The following TSHZ3 variants were observed in gnomAD, a reference collection of about 807,000 sequenced individuals.
The protein encoded by TSHZ3 is teashirt zinc finger homeobox 3.
In TSHZ3, 10 loss-of-function variants were observed where a neutral mutation model predicts 64.5. The observed-to-expected ratio is 0.16, with a 90% confidence interval of 0.10 to 0.26. The LOEUF (loss-of-function observed/expected upper bound fraction) is 0.26. Among genes scored for constraint, TSHZ3 ranks in the 10% least tolerant of loss-of-function variants. The pLI is 1.00. For synonymous variants in TSHZ3, 608 were observed against 593.1 expected (o/e 1.03, Z -0.36); for missense variants, 1,242 against 1,421.7 (o/e 0.87, Z 2.03).
At chr19:31,154,403 T>C (rs968964173) in intron 6 of TSHZ3, among the ~76,000 whole-genome samples, 16 of 152,164 alleles carry the variant, frequency 1.1e-4, no homozygotes, top group African/African-American at 3.9e-4. Context: ...AGATAGATAT[T>C]ATACCCATGT....
At chr19:31,349,612 C>T (rs929219349), upstream of TSHZ3, 179 of 167,928 alleles carry the variant, frequency 1.1e-3, 8 homozygotes, top group East Asian at 0.023. Context: ...CCTGCCCCCC[C>T]CCGCCCCGTC....
At chr19:31,336,407 A>G (rs1917243045) in intron 1 of TSHZ3, among the ~76,000 whole-genome samples, 1 of 152,160 alleles carries the variant, frequency 6.6e-6, no homozygotes, top group Non-Finnish European at 1.5e-5. Context: ...TTGTGGGACC[A>G]CACGGAGACA....
chr19:31,243,912 T>C (rs900754210), intron 1 of TSHZ3, among the ~76,000 whole-genome samples: 3 of 152,220 alleles, frequency 2.0e-5, no homozygotes, highest in Admixed American at 1.3e-4. Flanking sequence ...GTGGTTGCTC[T>C]ACCCTGAGGG....
At chr19:31,198,505 C>T (rs912936919) in intron 5 of TSHZ3, among the ~76,000 whole-genome samples, 2 of 151,984 alleles carry the variant, frequency 1.3e-5, no homozygotes, top group African/African-American at 4.8e-5. Flanking sequence ...TTGTCTTTTT[C>T]ACAGTGACAT....
At chr19:31,248,504 A>G (rs1351374675) in intron 1 of TSHZ3, among the ~76,000 whole-genome samples, 2 of 152,120 alleles carry the variant, frequency 1.3e-5, no homozygotes, top group Non-Finnish European at 2.9e-5. Flanking sequence ...GTGTATACAG[A>G]ATACTCAAAA....
chr19:31,255,933 T>C (rs1975903801), intron 1 of TSHZ3, among the ~76,000 whole-genome samples: 1 of 152,080 alleles, frequency 6.6e-6, no homozygotes, highest in Admixed American at 6.5e-5. Flanking sequence ...GTTCACCCTG[T>C]AACAGAAGTT....
intron 1 of TSHZ3, among the ~76,000 whole-genome samples, chr19:31,244,844 A>G (rs1402656509): frequency 6.6e-6 from 1 of 152,004 alleles, no homozygotes; most frequent in East Asian, 1.9e-4. Context: ...GGTTTTCACC[A>G]TTTTGCCCAG....
rs76488163 is a variant in TSHZ3 at position 31,193,226 on chromosome 19, G to A, written n.809+11730C>T. On this transcript the variant is annotated intron_variant and non_coding_transcript_variant, in intron 5 of 6. Coordinates refer to the TSHZ3 transcript ENST00000651361. ...CCCATACATATGACGCGACATATCTGGCCTCTGTGGCTCCAGTCTGAAATT... is the reference window on the plus strand; with the variant it reads ...CCCATACATATGACGCGACATATCTAGCCTCTGTGGCTCCAGTCTGAAATT... 1.3e-3 allele frequency among the ~76,000 whole-genome samples: 192 copies of A among 152,064 alleles called. 1 individual carries two copies. The highest frequency in any genetic ancestry group is 8.9e-3 in the East Asian group (46 of 5,162).
intron 1 of TSHZ3, among the ~76,000 whole-genome samples, chr19:31,264,185 A>G (rs1599611271): frequency 6.6e-6 from 1 of 152,258 alleles, no homozygotes; most frequent in South Asian, 2.1e-4. Context: ...TGCAAGCCCT[A>G]TGATTGTGGG....
chr19:31,210,448 A>G (rs182479796), intron 4 of TSHZ3, among the ~76,000 whole-genome samples: 1 of 152,240 alleles, frequency 6.6e-6, no homozygotes, highest in Admixed American at 6.5e-5. Flanking sequence ...CCTCTCCCCA[A>G]AGCAGGAGGT....
chr19:31,212,330 C>T (rs998300022), intron 4 of TSHZ3, among the ~76,000 whole-genome samples: 2 of 151,982 alleles, frequency 1.3e-5, no homozygotes, highest in African/African-American at 4.8e-5. Flanking sequence ...TGGTGGTGCA[C>T]ACCTGTAATT....
chr19:31,296,962 AT>A (rs1346107153), intron 1 of TSHZ3, among the ~76,000 whole-genome samples: 1 of 152,218 alleles, frequency 6.6e-6, no homozygotes, highest in Non-Finnish European at 1.5e-5. Context: ...ACAACAAACT[AT>A]GGGAAAACAG....
Position 31,229,834 on chromosome 19 carries a change from A to G in TSHZ3, n.551-1694T>C, listed in dbSNP as rs149007825. ...AAATGTTTAACTTTGCAAGCTGTCA[A>G]AGATGTGCAAACTGAAACAATAGTG... On this transcript the variant is annotated intron_variant and non_coding_transcript_variant, in intron 3 of 6. Transcript: ENST00000651361. Among the ~76,000 whole-genome samples, 146 of 152,354 alleles carry G rather than the reference A, an allele frequency of 9.6e-4. No individual in the cohort carries two copies. In the East Asian group the frequency reaches 0.022, roughly 23 times the overall value.
upstream of TSHZ3, chr19:31,349,478 G>GGGAGGAGGAGGCAGA (rs1305269278): frequency 5.2e-6 from 2 of 382,220 alleles, no homozygotes; most frequent in Non-Finnish European, 4.6e-6. Context: ...GAGCACGGGG[G>GGGAGGAGGAGGCAGA]GGAGGAGGAG....
intron 4 of TSHZ3, among the ~76,000 whole-genome samples, chr19:31,208,375 G>C (rs1223874505): frequency 6.6e-6 from 1 of 152,142 alleles, no homozygotes. Context: ...AGGCTCCCAA[G>C]AAAGAGAGTC....
intron 5 of TSHZ3, among the ~76,000 whole-genome samples, chr19:31,178,945 A>G (rs1974655742): frequency 6.6e-6 from 1 of 152,076 alleles, no homozygotes; most frequent in Non-Finnish European, 1.5e-5. Context: ...GCCTCTGGGG[A>G]AGATGGTGGT....
At chr19:31,205,437 A>G (rs2145154182) in intron 4 of TSHZ3, among the ~76,000 whole-genome samples, 1 of 152,102 alleles carries the variant, frequency 6.6e-6, no homozygotes, top group Admixed American at 6.5e-5. Context: ...TCTTTGATCC[A>G]CTTCTTTCTC....
chr19:31,347,936 T>G (rs1256867187), intron 1 of TSHZ3, among the ~76,000 whole-genome samples: 1 of 152,196 alleles, frequency 6.6e-6, no homozygotes, highest in East Asian at 1.9e-4. Context: ...CTACAACGCC[T>G]TCCTCCAAGA....
At chr19:31,220,800 T>C (rs904889222) in intron 4 of TSHZ3, among the ~76,000 whole-genome samples, 3 of 152,134 alleles carry the variant, frequency 2.0e-5, no homozygotes, top group African/African-American at 7.2e-5. Context: ...CTGGGAAATG[T>C]AGTCTAGCTG....
Sources: allele counts gnomAD v4.1 joint callset (sites outside exome capture counted in the v4.1 genomes callset), GRCh38; gene constraint gnomAD v4.1.1; transcripts MANE v1.5; gene names NCBI Gene and HGNC (gene_info 2026-07-23, HGNC 2026-07-21).